The following BTBD8 variants were observed in gnomAD, a reference collection of about 807,000 sequenced individuals.
BTBD8 encodes the protein BTB/POZ domain-containing protein 8.
Under a neutral mutation model 162.9 loss-of-function variants are expected in BTBD8, and 110 were observed. The observed-to-expected ratio is 0.68, with a 90% CI of 0.58 to 0.79. The LOEUF (loss-of-function observed/expected upper bound fraction) is 0.79, where lower values mean the gene tolerates loss of function less well. Ranked by LOEUF, BTBD8 falls within the 30% of genes least tolerant of loss-of-function variation. BTBD8 has a pLI of 0.00. For missense variants in BTBD8, 1,905 were observed against 2,085.4 expected (o/e 0.91, Z 1.68); for synonymous variants, 667 against 716.1 (o/e 0.93, Z 1.10).
chr1:92,180,468 G>C lies in BTBD8; in HGVS notation c.2785G>C (p.Gly929Arg). ...TAAAAATCTAAATCAGTCAAAGAAA[G>C]GTGAAACTTTGAATAATAAAGATTC... ...MPKNLNQSKK[G>R]ETLNNKDSKQ... The change falls in exon 17 of 18, where the codon GGT becomes CGT. Residue 929 changes from glycine (G) to arginine (R), a missense_variant. This residue lies in a region of BTBD8 where 1,374 missense variants were observed against 1,442.7 expected (regional missense o/e 0.95). Transcript: ENST00000636805. 1 of 1,550,636 alleles carries C rather than the reference G, an allele frequency of 6.4e-7. No homozygotes were observed. The highest frequency in any genetic ancestry group is 2.4e-5 in the East Asian group (1 of 40,896).
chr1:92,116,636 A>T (rs1649048069), intron 4 of BTBD8, among the ~76,000 whole-genome samples: 1 of 151,450 alleles, frequency 6.6e-6, no homozygotes, highest in Admixed American at 6.6e-5. Context: ...TAATATCACC[A>T]CTCCAGCTTT....
At chr1:92,118,860 G>T (rs1024317205) in intron 4 of BTBD8, among the ~76,000 whole-genome samples, 1 of 108,086 alleles carries the variant, frequency 9.3e-6, no homozygotes, top group Non-Finnish European at 1.7e-5. Flanking sequence ...AGCTCTTTCA[G>T]GTGGCTCTTG....
intron 4 of BTBD8, among the ~76,000 whole-genome samples, chr1:92,118,328 T>C (rs1649100399): frequency 6.6e-6 from 1 of 150,482 alleles, no homozygotes; most frequent in South Asian, 2.1e-4. Flanking sequence ...TGAGGAGTAC[T>C]GGTCAGGTAT....
rs1382365009 is a variant in BTBD8 at position 92,167,063 on chromosome 1, C to T, written c.1228C>T (p.Gln410Ter). Residue 410 changes from glutamine (Q) to a stop codon, truncating the protein, a stop_gained, in exon 10 of 18, where the codon CAA becomes TAA. Coordinates refer to ENST00000636805, the MANE Select transcript of BTBD8 (RefSeq NM_001376131.1). LOFTEE classifies it high-confidence loss of function. ...EAALTMASQL[Q>*]EKCIAFIVDN... is the part of the protein sequence containing the mutation. ...AGCACTGACCATGGCGTCTCAGCTT[C>T]AAGAAAAATGTATTGCATTTATTGT... 1 of 1,550,578 alleles carries T rather than the reference C, an allele frequency of 6.4e-7. No homozygotes were observed. Among genetic ancestry groups the T allele is most frequent in the African/African-American group, 1.4e-5 (1 of 73,134 alleles).
At chr1:92,172,608 T>C (rs1477152124) in intron 13 of BTBD8, among the ~76,000 whole-genome samples, 1 of 152,248 alleles carries the variant, frequency 6.6e-6, no homozygotes, top group East Asian at 1.9e-4. Context: ...TATTCTAACC[T>C]CTGTGTGGTA....
At chr1:92,180,139 A>G (rs895489830) in intron 16 of BTBD8, 126 bp from the exon 17 acceptor site, 2 of 675,208 alleles carry the variant, frequency 3.0e-6, no homozygotes, top group African/African-American at 1.8e-5. Flanking sequence ...GATCATAGAT[A>G]TGTTACCCTT....
chr1:92,178,495 T>G, intron 16 of BTBD8, 44 bp downstream of exon 16: 1 of 1,481,398 alleles, frequency 6.8e-7, no homozygotes. Context: ...TATTTCCTTG[T>G]GTAAACTGGA....
intron 2 of BTBD8, among the ~76,000 whole-genome samples, chr1:92,098,329 G>A (rs1329121827): frequency 6.6e-6 from 1 of 152,140 alleles, no homozygotes; most frequent in Non-Finnish European, 1.5e-5. Flanking sequence ...GTCATCAGAT[G>A]ATAGGCTTTT....
intron 7 of BTBD8, among the ~76,000 whole-genome samples, chr1:92,144,810 T>TACACACACACACACACAC (rs10631515): frequency 2.3e-4 from 33 of 140,798 alleles, no homozygotes; most frequent in African/African-American, 8.8e-4. Flanking sequence ...AAAAAAAAAC[T>TACACACACACACACACAC]ACACACACAC....
chr1:92,100,569 T>C (rs989128795), intron 2 of BTBD8, among the ~76,000 whole-genome samples: 2 of 152,122 alleles, frequency 1.3e-5, no homozygotes, highest in Non-Finnish European at 2.9e-5. Flanking sequence ...CTTGGAATTG[T>C]CCATTTCATC....
intron 9 of BTBD8, among the ~76,000 whole-genome samples, chr1:92,159,552 A>C (rs1165578335): frequency 6.6e-6 from 1 of 152,092 alleles, no homozygotes; most frequent in Non-Finnish European, 1.5e-5. Context: ...TTTTGTTTCA[A>C]CTTGAAGAAT....
intron 15 of BTBD8, 62 bp from the exon 16 acceptor site, chr1:92,178,250 C>T: frequency 7.5e-7 from 1 of 1,331,090 alleles, no homozygotes; most frequent in Admixed American, 2.8e-5. Flanking sequence ...AGGTATTGGT[C>T]TTTTAAAAAG....
intron 7 of BTBD8, among the ~76,000 whole-genome samples, chr1:92,146,651 T>C (rs1649929279): frequency 6.6e-6 from 1 of 152,218 alleles, no homozygotes; most frequent in Non-Finnish European, 1.5e-5. Context: ...ACTGACCTTT[T>C]TACTGTCTCT....
rs915524654 is a variant in BTBD8, at chr1:92,180,442, C to T, written c.2759C>T (p.Pro920Leu). The T allele has an allele frequency of 6.4e-7, 1 of 1,550,990 alleles. No individual in the cohort carries two copies. Among genetic ancestry groups the T allele is most frequent in the African/African-American group, 1.4e-5 (1 of 72,920 alleles). ...GTTAATGCAAAAATAGTGGCAATGC[C>T]TAAAAATCTAAATCAGTCAAAGAAA... is the stretch of plus-strand genomic sequence containing the variant. ...PKVNAKIVAM[P>L]KNLNQSKKGE... The change falls in exon 17 of 18, where the codon CCT becomes CTT. Residue 920 changes from proline to leucine, a missense_variant. Pro to Leu is a moderately conservative substitution (Grantham distance 98). Transcript: ENST00000636805.
intron 16 of BTBD8, among the ~76,000 whole-genome samples, chr1:92,179,980 G>T (rs1420919017): frequency 2.6e-5 from 4 of 151,758 alleles, no homozygotes. Flanking sequence ...TCCAGTTTTG[G>T]CATAAAAATC....
At chr1:92,138,837 A>T (rs1308307113) in intron 5 of BTBD8, among the ~76,000 whole-genome samples, 1 of 152,246 alleles carries the variant, frequency 6.6e-6, no homozygotes, top group Non-Finnish European at 1.5e-5. Flanking sequence ...TATAAAGGTT[A>T]TCATTCCAAA....
At chr1:92,170,166 A>T (rs904365952) in intron 12 of BTBD8, among the ~76,000 whole-genome samples, 2 of 152,176 alleles carry the variant, frequency 1.3e-5, no homozygotes, top group African/African-American at 4.8e-5. Flanking sequence ...CTAATTAAAA[A>T]TACATGTAAA....
At position 92,114,377 on chromosome 1, in the gene BTBD8, A is replaced by T. The variant is rs545743521; in HGVS notation, c.662+6376A>T. The stretch of plus-strand genomic sequence containing the variant: ...GGTGAGAACTTAAAATTTTCACTTT[A>T]TCCAATTCTATATTGAAGTTTATTA... On this transcript the variant is annotated intron_variant, in intron 4 of 17. Coordinates refer to ENST00000636805, the MANE Select transcript of BTBD8 (RefSeq NM_001376131.1). 2.7e-4 allele frequency among the ~76,000 whole-genome samples: 41 copies of T among 152,216 alleles called. 1 individual carries two copies. The South Asian group carries it at 6.0e-3, about 22-fold the overall frequency.
In BTBD8 at chr1:92,181,124, G is replaced by A. The variant is rs1221495609; in HGVS notation, c.3441G>A (p.Leu1147=). The change falls in exon 17 of 18, where the codon CTG becomes CTA. Residue 1147 remains leucine, a synonymous_variant. Transcript: ENST00000636805. ...SSIKCVEDVS[L]CNPERTNGTL... is the part of the protein sequence containing the mutation. ...TTAAATGTGTGGAAGATGTTTCACTGTGTAATCCTGAAAGGACAAATGGTA... is the reference window on the plus strand; with the variant it reads ...TTAAATGTGTGGAAGATGTTTCACTATGTAATCCTGAAAGGACAAATGGTA... The A allele has an allele frequency of 1.3e-5, 20 of 1,551,570 alleles. No homozygotes were observed. The highest frequency in any genetic ancestry group is 1.7e-5 in the Non-Finnish European group (20 of 1,146,962).
Sources: allele counts gnomAD v4.1 joint callset (sites outside exome capture counted in the v4.1 genomes callset), GRCh38; gene constraint gnomAD v4.1.1; regional missense constraint gnomAD v4.1.1; transcripts MANE v1.5; gene names NCBI Gene and HGNC (gene_info 2026-07-23, HGNC 2026-07-21).